GRM4: variants seen among roughly 807,000 people sequenced by gnomAD.
The protein encoded by GRM4 is glutamate metabotropic receptor 4, also known as metabotropic glutamate receptor 4.
In GRM4, 28 loss-of-function variants were observed where a neutral mutation model predicts 81.7. The ratio of observed to expected loss-of-function variants is 0.34; its 90% CI spans 0.25 to 0.47. The LOEUF is 0.47. Ranked by LOEUF, GRM4 falls within the 20% of genes least tolerant of loss-of-function variation. The pLI is 1.00. For missense variants in GRM4, 948 were observed against 1,290.0 expected (o/e 0.73, Z 4.06); for synonymous variants, 488 against 528.8 (o/e 0.92, Z 1.06).
At chr6:34,085,807 G>GGC (rs1767855354) in intron 3 of GRM4, among the ~76,000 whole-genome samples, 1 of 152,202 alleles carries the variant, frequency 6.6e-6, no homozygotes, top group Non-Finnish European at 1.5e-5. Flanking sequence ...GCAGGGTACG[G>GGC]GGACTGGAGA....
chr6:34,143,464 C>T (rs1307115271), intron 1 of GRM4, among the ~76,000 whole-genome samples: 2 of 152,222 alleles, frequency 1.3e-5, no homozygotes, highest in African/African-American at 4.8e-5. Context: ...GACGAGGCCC[C>T]TGCGCTATGG....
In GRM4 at chr6:34,070,234, T is replaced by C. The variant is rs1766742749; in HGVS notation, c.737-8206A>G. ...TTTGAGCCTGGCATCTACTTTGCTCTGGTCCACAGTGATACTCTGTGCTCA... is the reference window on the plus strand; with the variant it reads ...TTTGAGCCTGGCATCTACTTTGCTCCGGTCCACAGTGATACTCTGTGCTCA... On this transcript the variant is annotated intron_variant, in intron 3 of 10. Transcript: ENST00000538487. The surrounding 1 kb of genome is among the most constrained non-coding windows in gnomAD (Gnocchi z 4.6). 6.6e-6 allele frequency among the ~76,000 whole-genome samples: 1 copy of C among 152,164 alleles called. No individual in the cohort carries two copies. Among genetic ancestry groups the C allele is most frequent in the Non-Finnish European group, 1.5e-5 (1 of 68,014 alleles).
At chr6:34,122,569 A>C (rs1769853293) in intron 2 of GRM4, among the ~76,000 whole-genome samples, 1 of 145,990 alleles carries the variant, frequency 6.8e-6, no homozygotes, top group African/African-American at 2.5e-5. Flanking sequence ...GCTAGTTTAG[A>C]AAGTCGGGAG....
intron 2 of GRM4, among the ~76,000 whole-genome samples, chr6:34,105,185 A>G (rs552357299): frequency 9.3e-4 from 141 of 152,298 alleles, no homozygotes; most frequent in African/African-American, 3.1e-3. Context: ...TCACATCACC[A>G]TCTTTCCACA....
intron 1 of GRM4, among the ~76,000 whole-genome samples, chr6:34,144,925 G>C (rs1219099452): frequency 1.3e-5 from 2 of 152,012 alleles, no homozygotes; most frequent in Non-Finnish European, 2.9e-5. Context: ...CGCGCCCTCC[G>C]GCCCCTAGGG....
At chr6:34,125,968 T>A in intron 2 of GRM4, among the ~76,000 whole-genome samples, 1 of 152,196 alleles carries the variant, frequency 6.6e-6, no homozygotes, top group East Asian at 1.9e-4. Context: ...CTATTCTGTA[T>A]CCCTAGCCTC....
rs151094606 is a variant in GRM4, at chr6:34,040,660, C to T, written c.1257G>A (p.Ala419=). The T allele has an allele frequency of 1.3e-5, 21 of 1,614,020 alleles. No individual in the cohort carries two copies. The highest frequency in any genetic ancestry group is 1.7e-5 in the Admixed American group (1 of 60,034). The change falls in exon 7 of 11, where the codon GCG becomes GCA. Residue 419 remains alanine, a synonymous_variant. Transcript: ENST00000538487. ...ACAGGTCACGGTGCATGGCGTGCAG[C>T]GCGTGGCCCATGGCGTACACGGCAT... is the stretch of plus-strand genomic sequence containing the variant. ...VIDAVYAMGH[A]LHAMHRDLCP... is the part of the protein sequence containing the mutation.
chr6:34,078,805 C>T lies in GRM4; in HGVS notation c.736+13078G>A, dbSNP rs531717373. ...GGGGCCCCAAGCCGTCTGCAAGAGT[C>T]GTTAGCTTTCCTTCTGGCTCATTAA... is the stretch of plus-strand genomic sequence containing the variant. On this transcript the variant is annotated intron_variant, in intron 3 of 10. Transcript: ENST00000538487. This position sits in a 1 kb window ranked among gnomAD's most constrained non-coding sequence, Gnocchi z 4.8. Among the ~76,000 whole-genome samples, 8 of 152,282 alleles carry T rather than the reference C, an allele frequency of 5.3e-5. No individual in the cohort carries two copies. The highest frequency in any genetic ancestry group is 2.1e-4 in the South Asian group (1 of 4,826).
At chr6:34,066,848 G>A (rs1017290971) in intron 3 of GRM4, among the ~76,000 whole-genome samples, 7 of 152,116 alleles carry the variant, frequency 4.6e-5, no homozygotes, top group Admixed American at 2.0e-4. Context: ...GACAGCAAGG[G>A]TGCCGCGGTC....
At chr6:34,079,799 C>A (rs1397132249) in intron 3 of GRM4, among the ~76,000 whole-genome samples, 1 of 152,162 alleles carries the variant, frequency 6.6e-6, no homozygotes, top group African/African-American at 2.4e-5. Context: ...TTCAAATAAA[C>A]CCCAAATCTG....
intron 2 of GRM4, among the ~76,000 whole-genome samples, chr6:34,122,758 G>GTCTGTCTGTCTGTCTGTCTC (rs1382899181): frequency 2.0e-5 from 3 of 151,502 alleles, no homozygotes; most frequent in African/African-American, 4.9e-5. Context: ...CTGTCTGTCT[G>GTCTGTCTGTCTGTCTGTCTC]TCTCTGGGCC....
intron 2 of GRM4, among the ~76,000 whole-genome samples, chr6:34,100,882 TCCAGCC>T (rs1768797359): frequency 6.6e-6 from 1 of 152,194 alleles, no homozygotes; most frequent in Admixed American, 6.5e-5. Flanking sequence ...TGAGCACTGT[TCCAGCC>T]CAGCCCGGGT....
chr6:34,145,597 A>C (rs1770896465), intron 1 of GRM4, among the ~76,000 whole-genome samples: 1 of 152,090 alleles, frequency 6.6e-6, no homozygotes, highest in African/African-American at 2.4e-5. Context: ...AGAGCGAGCG[A>C]GAGAGGGAGC....
intron 3 of GRM4, among the ~76,000 whole-genome samples, chr6:34,087,707 C>A (rs113598375): frequency 2.1e-5 from 3 of 145,934 alleles, no homozygotes; most frequent in Non-Finnish European, 4.6e-5. Flanking sequence ...CAACCCCCCC[C>A]CCACACACAC....
chr6:34,134,849 A>G (rs1770393955), intron 1 of GRM4, among the ~76,000 whole-genome samples: 1 of 152,180 alleles, frequency 6.6e-6, no homozygotes, highest in African/African-American at 2.4e-5. Context: ...AAGAGTAGAG[A>G]AGAGAACACC....
In GRM4 at chr6:34,064,766, G is replaced by A. The variant is rs530844107; in HGVS notation, c.737-2738C>T. Among the ~76,000 whole-genome samples, 46 of 152,292 alleles carry A rather than the reference G, an allele frequency of 3.0e-4. No homozygotes were observed. The highest frequency in any genetic ancestry group is 9.4e-4 in the African/African-American group (39 of 41,554). On this transcript the variant is annotated intron_variant, in intron 3 of 10. Transcript: ENST00000538487. The surrounding 1 kb of genome is among the most constrained non-coding windows in gnomAD (Gnocchi z 4.4). ...TGCTGCAGCCAGAGAAGACCAGAGC[G>A]GCCCGAGAGGCCACTGAGCACCCCC...
intron 3 of GRM4, chr6:34,062,638 C>T (rs1026508577): frequency 6.6e-6 from 1 of 150,756 alleles, no homozygotes; most frequent in African/African-American, 2.4e-5. Flanking sequence ...ACTCCTGTCC[C>T]TGGGCCCCAT....
intron 1 of GRM4, among the ~76,000 whole-genome samples, chr6:34,143,569 C>A (rs1445110729): frequency 1.3e-5 from 2 of 152,224 alleles, no homozygotes; most frequent in Non-Finnish European, 2.9e-5. Context: ...GAAAGCTTCC[C>A]CCTACCCTAG....
chr6:34,140,630 C>T (rs1402506712), intron 1 of GRM4, among the ~76,000 whole-genome samples: 1 of 152,246 alleles, frequency 6.6e-6, no homozygotes, highest in Non-Finnish European at 1.5e-5. Context: ...AGCCACCAGG[C>T]TCACGCTTGC....
Sources: gnomAD v4.1 joint callset for allele counts (sites outside exome capture counted in the v4.1 genomes callset) on GRCh38, gnomAD v4.1.1 for gene constraint, Gnocchi (gnomAD v3.1) non-coding constraint, MANE v1.5 for transcripts, NCBI Gene and HGNC (gene_info 2026-07-23, HGNC 2026-07-21) for gene names.